RBFOX1: variants seen among roughly 807,000 people sequenced by gnomAD.
RBFOX1 encodes RNA binding protein fox-1 homolog 1.
RBFOX1 carries 8 observed loss-of-function variants against 57.7 expected under a neutral mutation model. The observed-to-expected ratio is 0.14, with a 90% CI of 0.08 to 0.25. The LOEUF is 0.25. RBFOX1 is among the 10% of genes least tolerant of loss of function. The pLI is 1.00. For synonymous variants in RBFOX1, 326 were observed against 222.4 expected (o/e 1.47, Z -4.15); for missense variants, 611 against 548.5 (o/e 1.11, Z -1.14).
chr16:5,366,183 G>T (rs1268104265), intron 1 of RBFOX1: 2 of 421,004 alleles, frequency 4.8e-6, no homozygotes, highest in South Asian at 1.9e-5. Flanking sequence ...CGAAGACAAA[G>T]ATATGAAACT....
At chr16:6,592,893 G>C (rs2097731881) in intron 2 of RBFOX1, among the ~76,000 whole-genome samples, 1 of 152,160 alleles carries the variant, frequency 6.6e-6, no homozygotes, top group Non-Finnish European at 1.5e-5. Context: ...TGATTATGCA[G>C]AGAGAGTGGA....
chr16:7,567,365 C>CTATA (rs56020672), intron 5 of RBFOX1, among the ~76,000 whole-genome samples: 8 of 98,348 alleles, frequency 8.1e-5, no homozygotes, highest in Non-Finnish European at 1.3e-4. Flanking sequence ...ATATATGGCC[C>CTATA]TATATATATA....
At chr16:5,958,603 T>G (rs1163586218) in intron 4 of RBFOX1, among the ~76,000 whole-genome samples, 1 of 152,240 alleles carries the variant, frequency 6.6e-6, no homozygotes, top group Non-Finnish European at 1.5e-5. Flanking sequence ...ATTACTTTCC[T>G]TTTCTGTTGT....
chr16:7,319,907 G>A (rs1032150748), intron 4 of RBFOX1, among the ~76,000 whole-genome samples: 2 of 152,168 alleles, frequency 1.3e-5, no homozygotes, highest in Non-Finnish European at 2.9e-5. Context: ...AAGACTGGAT[G>A]AGTCAAAGTG....
chr16:5,548,618 C>T (rs1197131508), intron 2 of RBFOX1, among the ~76,000 whole-genome samples: 1 of 151,646 alleles, frequency 6.6e-6, no homozygotes, highest in African/African-American at 2.4e-5. Flanking sequence ...TCATCTACCC[C>T]ATAAATATAT....
chr16:7,494,830 CTTTT>C (rs61434992), intron 4 of RBFOX1, among the ~76,000 whole-genome samples: 15,700 of 125,358 alleles, frequency 0.13, 925 homozygotes, highest in East Asian at 0.26. Context: ...GTGTTACCTA[CTTTT>C]TTTTTTTTTT....
At chr16:5,574,717 C>G (rs1362996424) in intron 2 of RBFOX1, among the ~76,000 whole-genome samples, 1 of 152,166 alleles carries the variant, frequency 6.6e-6, no homozygotes, top group African/African-American at 2.4e-5. Flanking sequence ...TTTTAAACGT[C>G]AATGCTTCTC....
intron 3 of RBFOX1, among the ~76,000 whole-genome samples, chr16:7,031,431 A>G (rs2042762232): frequency 1.3e-5 from 2 of 152,052 alleles, no homozygotes; most frequent in Non-Finnish European, 1.5e-5. Flanking sequence ...CCCCGTCTCT[A>G]CTAAAAATAC....
intron 4 of RBFOX1, among the ~76,000 whole-genome samples, chr16:7,271,331 C>G (rs535468230): frequency 5.9e-5 from 9 of 151,962 alleles, no homozygotes; most frequent in African/African-American, 2.2e-4. Flanking sequence ...GTTGCAACAA[C>G]TGGATCTTTG....
intron 4 of RBFOX1, among the ~76,000 whole-genome samples, chr16:7,386,457 CT>C (rs1314749945): frequency 4.0e-5 from 6 of 151,260 alleles, no homozygotes; most frequent in Non-Finnish European, 7.4e-5. Context: ...TCACCTCCCA[CT>C]TATGAGAACA....
rs34303609 is a variant in RBFOX1, at chr16:6,070,868, A to G, written c.-127+50876A>G. Among the ~76,000 whole-genome samples the G allele has an allele frequency of 8.9e-3, 1,343 of 151,560 alleles. 25 individuals carry two copies. Among genetic ancestry groups the G allele is most frequent in the African/African-American group, 0.03 (1,257 of 41,502 alleles). On this transcript the variant is annotated intron_variant, in intron 1 of 15. Coordinates refer to ENST00000550418, the MANE Select transcript of RBFOX1 (RefSeq NM_018723.4). Reference sequence around the variant, plus strand: ...AAACTTCTTTACAAAGAATCATTTGACAGTAGCCGTATAATTTAATGTTTT... The same window carrying G: ...AAACTTCTTTACAAAGAATCATTTGGCAGTAGCCGTATAATTTAATGTTTT...
chr16:7,679,954 A>G (rs2074318039), intron 14 of RBFOX1, among the ~76,000 whole-genome samples: 1 of 152,154 alleles, frequency 6.6e-6, no homozygotes, highest in South Asian at 2.1e-4. Context: ...AAAGCACTTG[A>G]CCTTCACCAA....
intron 1 of RBFOX1, among the ~76,000 whole-genome samples, chr16:5,346,275 T>C (rs534731316): frequency 5.3e-5 from 8 of 152,176 alleles, no homozygotes; most frequent in Non-Finnish European, 8.8e-5. Flanking sequence ...AAAAGTCTTA[T>C]AGAGCTGTGG....
chr16:6,813,637 G>C (rs566302018), intron 3 of RBFOX1, among the ~76,000 whole-genome samples: 2 of 152,118 alleles, frequency 1.3e-5, no homozygotes, highest in Non-Finnish European at 2.9e-5. Context: ...GAACTGAGTA[G>C]GGGGTGGATG....
intron 13 of RBFOX1, among the ~76,000 whole-genome samples, chr16:7,671,007 G>T (rs1205930464): frequency 6.6e-6 from 1 of 152,130 alleles, no homozygotes; most frequent in Non-Finnish European, 1.5e-5. Context: ...CAGTTCTCTA[G>T]TCTGAAAGTA....
chr16:6,977,946 A>AT (rs2087535929), intron 3 of RBFOX1, among the ~76,000 whole-genome samples: 4 of 129,418 alleles, frequency 3.1e-5, no homozygotes, highest in Non-Finnish European at 7.3e-5. Context: ...GGAAAAAAAA[A>AT]AAAAAGGCAA....
At chr16:5,834,726 C>G (rs56071882) in intron 3 of RBFOX1, among the ~76,000 whole-genome samples, 71,991 of 127,956 alleles carry the variant, frequency 0.56, 17,592 homozygotes, top group East Asian at 0.7. Context: ...TACATAGATA[C>G]ATAGATACAT....
intron 1 of RBFOX1, chr16:6,037,476 C>G (rs1364387623): frequency 6.9e-6 from 1 of 145,516 alleles, no homozygotes; most frequent in Non-Finnish European, 1.5e-5. Flanking sequence ...TTCAAGTTTT[C>G]AATTTTACTA....
At chr16:5,911,218 C>G (rs966456290) in intron 4 of RBFOX1, among the ~76,000 whole-genome samples, 60 of 152,244 alleles carry the variant, frequency 3.9e-4, no homozygotes, top group African/African-American at 1.4e-3. Flanking sequence ...ACCCTGTTCT[C>G]TAGGGCCTCC....
Sources: gnomAD v4.1 joint callset for allele counts (sites outside exome capture counted in the v4.1 genomes callset) on GRCh38, gnomAD v4.1.1 for gene constraint, MANE v1.5 for transcripts, NCBI Gene and HGNC (gene_info 2026-07-23, HGNC 2026-07-21) for gene names.